The following RESF1 variants were observed in gnomAD, a reference collection of about 807,000 sequenced individuals.
The protein encoded by RESF1 is gonad expressed transcript.
In RESF1, 65 loss-of-function variants were observed where a neutral mutation model predicts 134.7. That is an observed-to-expected ratio of 0.48 (90% CI 0.40 to 0.59). The LOEUF is 0.59. Ranked by LOEUF, RESF1 falls within the 20% of genes least tolerant of loss-of-function variation. The pLI is 0.00. For synonymous variants in RESF1, 762 were observed against 702.2 expected (o/e 1.09, Z -1.35); for missense variants, 2,274 against 2,002.7 (o/e 1.14, Z -2.59).
Position 31,982,994 on chromosome 12 carries a change from G to A in RESF1, c.2039G>A (p.Trp680Ter), listed in dbSNP as rs765842006. 1.2e-6 allele frequency: 2 copies of A among 1,613,904 alleles called. No individual in the cohort carries two copies. Among genetic ancestry groups the A allele is most frequent in the Non-Finnish European group, 1.7e-6 (2 of 1,180,004 alleles). Residue 680 changes from tryptophan (W) to a stop codon, truncating the protein, a stop_gained, in exon 4 of 6, where the codon TGG (tryptophan) becomes TAG (stop). Coordinates refer to ENST00000312561, the MANE Select transcript of RESF1 (RefSeq NM_018169.4). LOFTEE classifies it high-confidence loss of function. ...GTGCTAGCAACCTGTCTTTCCCTGT[G>A]GAAAAAGCAACCTTCAGATACTGCA... is the stretch of plus-strand genomic sequence containing the variant. ...MEVLATCLSL[W>*]KKQPSDTAKE...
In RESF1 at chr12:31,985,115, TAAAG is replaced by T. The variant is rs1482071121; in HGVS notation, c.4164_4167del (p.Lys1389ArgfsTer18). 6.5e-7 allele frequency: 1 copy of T among 1,548,294 alleles called. No individual in the cohort carries two copies. The highest frequency in any genetic ancestry group is 2.3e-5 in the East Asian group (1 of 44,240). ...CAAGGGAACGTATTAGATATGGAAG[TAAAG>T]AAAAAGAAACATGATAAACAAGAAC... is the stretch of plus-strand genomic sequence containing the variant. On this transcript the variant is annotated frameshift_variant, in exon 4 of 6. Transcript: ENST00000312561. LOFTEE classifies it high-confidence loss of function.
chr12:31,975,402 A>G (rs1375532889), intron 3 of RESF1, among the ~76,000 whole-genome samples: 3 of 152,234 alleles, frequency 2.0e-5, no homozygotes, highest in Non-Finnish European at 4.4e-5. Flanking sequence ...GTTATTATTA[A>G]AGTCCATCAC....
chr12:31,962,808 T>C (rs1169416475), intron 2 of RESF1, among the ~76,000 whole-genome samples: 2 of 152,250 alleles, frequency 1.3e-5, no homozygotes, highest in South Asian at 4.1e-4. Context: ...TTAAAGTTCA[T>C]GGATCAGGGT....
In RESF1 at chr12:31,968,155, A is replaced by G. The variant is rs191915008; in HGVS notation, c.-246-2034A>G. Among the ~76,000 whole-genome samples the G allele has an allele frequency of 1.4e-3, 210 of 152,344 alleles. 1 individual carries two copies. The highest frequency in any genetic ancestry group is 4.9e-3 in the African/African-American group (204 of 41,578). The stretch of plus-strand genomic sequence containing the variant: ...TTTCAATGAAAAATAGACTTTACTC[A>G]GTTTAACCATATCAGTGGATACTCT... On this transcript the variant is annotated intron_variant, in intron 2 of 5. Transcript: ENST00000312561.
intron 3 of RESF1, among the ~76,000 whole-genome samples, chr12:31,979,124 G>GGA: frequency 6.6e-6 from 1 of 152,090 alleles, no homozygotes; most frequent in Admixed American, 6.5e-5. Context: ...GTTTCACTGT[G>GGA]TTAGCCAGGA....
Position 31,992,737 on chromosome 12 carries a change from C to A in RESF1, c.*202C>A. ...ATGTGTAAGAAATGGATGGTATTCA[C>A]CGGGGAAACAAGGTATTTGAATTTC... On this transcript the variant is annotated 3_prime_UTR_variant, in exon 6 of 6. Transcript: ENST00000312561. 1 of 568,288 alleles carries A rather than the reference C, an allele frequency of 1.8e-6. No homozygotes were observed. Among genetic ancestry groups the A allele is most frequent in the Non-Finnish European group, 3.1e-6 (1 of 319,978 alleles). 35.2% of individuals were successfully genotyped at this position (568,288 alleles called of 1,614,324 possible). A position where few individuals can be genotyped will look rare whatever the true frequency, so the allele number is the denominator to read the frequency against.
intron 3 of RESF1, among the ~76,000 whole-genome samples, chr12:31,975,769 G>A (rs1358476875): frequency 6.6e-6 from 1 of 152,118 alleles, no homozygotes; most frequent in African/African-American, 2.4e-5. Context: ...TTTTCACTCA[G>A]TCTTGTGTTT....
intron 3 of RESF1, among the ~76,000 whole-genome samples, chr12:31,973,926 C>T (rs927022321): frequency 2.0e-5 from 3 of 152,076 alleles, no homozygotes; most frequent in African/African-American, 7.2e-5. Context: ...GCTTCAGATC[C>T]CACAGGTTGA....
In RESF1 at chr12:31,983,299, G is replaced by A; in HGVS notation, c.2344G>A (p.Ala782Thr). The change falls in exon 4 of 6, where the codon GCA becomes ACA. Residue 782 changes from alanine to threonine, a missense_variant. Transcript: ENST00000312561. The part of the protein sequence containing the change: ...KTLSVKGITP[A>T]VLPETVYPVI... ...ATTGTCTGTCAAAGGAATAACACCT[G>A]CAGTGTTACCTGAAACAGTGTATCC... 1 of 1,613,762 alleles carries A rather than the reference G, an allele frequency of 6.2e-7. No individual in the cohort carries two copies. Among genetic ancestry groups the A allele is most frequent in the South Asian group, 1.1e-5 (1 of 91,060 alleles).
intron 3 of RESF1, among the ~76,000 whole-genome samples, chr12:31,973,545 C>T (rs1014367658): frequency 2.0e-5 from 3 of 152,002 alleles, no homozygotes; most frequent in Non-Finnish European, 4.4e-5. Context: ...GTTCAAGGGT[C>T]GATTGTATTT....
intron 2 of RESF1, among the ~76,000 whole-genome samples, chr12:31,964,880 C>G (rs1939363429): frequency 6.6e-6 from 1 of 152,144 alleles, no homozygotes; most frequent in South Asian, 2.1e-4. Flanking sequence ...AGGGTTTACT[C>G]CTGGGTTCTA....
In RESF1 at chr12:31,984,393, G is replaced by A. The variant is rs758873534; in HGVS notation, c.3438G>A (p.Gln1146=). ...AGCCCATCACAGAAGTAGTTAGCCA[G>A]TGTGACCTGCAGGCACCTGCAGCTG... ...KEEPITEVVS[Q]CDLQAPAAGQ... Residue 1146 remains glutamine, a synonymous_variant, in exon 4 of 6, where the codon CAG becomes CAA. Transcript: ENST00000312561. 6.2e-7 allele frequency: 1 copy of A among 1,614,176 alleles called. No individual in the cohort carries two copies. The highest frequency in any genetic ancestry group is 1.7e-5 in the Admixed American group (1 of 60,024).
rs1939951646 is a variant in RESF1, at chr12:31,985,546, A to G, written c.4591A>G (p.Asn1531Asp). The G allele has an allele frequency of 1.3e-6, 2 of 1,598,036 alleles. No individual in the cohort carries two copies. The highest frequency in any genetic ancestry group is 1.4e-5 in the African/African-American group (1 of 73,792). The change falls in exon 4 of 6, where the codon AAC becomes GAC. Residue 1531 changes from asparagine to aspartate, a missense_variant. By Grantham distance (23) the Asn-to-Asp change is conservative. Transcript: ENST00000312561. ...IHHSQESKTY[N>D]ILRNVKEKVG... ...CCATTCTCAGGAGTCTAAAACATAC[A>G]ACATTCTAAGGAATGTTAAAGAAAA...
chr12:31,962,110 C>T (rs1247194978), intron 2 of RESF1, among the ~76,000 whole-genome samples: 1 of 151,950 alleles, frequency 6.6e-6, no homozygotes, highest in Non-Finnish European at 1.5e-5. Context: ...GTGGCACATG[C>T]CTGTAATCCT....
rs750396911 is a variant in RESF1 at position 31,984,789 on chromosome 12, G to T, written c.3834G>T (p.Gln1278His). ...PRTEQELVAG[Q>H]FSSKCDKLNP... ...CAGAACAAGAATTAGTTGCTGGTCAGTTTTCATCTAAATGTGATAAACTAA... is the reference window on the plus strand; with the variant it reads ...CAGAACAAGAATTAGTTGCTGGTCATTTTTCATCTAAATGTGATAAACTAA... The change falls in exon 4 of 6, where the codon CAG (glutamine) becomes CAT (histidine). Residue 1278 changes from glutamine to histidine, a missense_variant. Coordinates refer to ENST00000312561, the MANE Select transcript of RESF1 (RefSeq NM_018169.4). The T allele has an allele frequency of 5.0e-6, 8 of 1,611,410 alleles. No homozygotes were observed. Among genetic ancestry groups the T allele is most frequent in the Admixed American group, 3.4e-5 (2 of 59,378 alleles).
intron 5 of RESF1, among the ~76,000 whole-genome samples, 168 bp downstream of exon 5, chr12:31,987,490 C>T (rs1321979878): frequency 3.3e-5 from 5 of 149,548 alleles, no homozygotes; most frequent in African/African-American, 7.4e-5. Context: ...TTTGTGTTGT[C>T]GTGCTGTGGA....
In RESF1 at chr12:31,981,184, G is replaced by C; in HGVS notation, c.229G>C (p.Asp77His). Residue 77 changes from aspartate to histidine, a missense_variant, in exon 4 of 6, where the codon GAT (aspartate) becomes CAT (histidine). By Grantham distance (81) the Asp-to-His change is moderately conservative. Transcript: ENST00000312561. ...QNYPQQISVS[D>H]MHNGTVVASH... ...TTATCCTCAACAAATTTCTGTTTCT[G>C]ATATGCATAATGGGACAGTTGTGGC... 2 of 1,614,042 alleles carry C rather than the reference G, an allele frequency of 1.2e-6. No individual in the cohort carries two copies. The highest frequency in any genetic ancestry group is 1.7e-6 in the Non-Finnish European group (2 of 1,179,964).
rs1028609736 is a variant in RESF1, at chr12:31,980,102, C to A, written c.-78-776C>A. Among the ~76,000 whole-genome samples the A allele has an allele frequency of 4.0e-5, 5 of 124,164 alleles. No homozygotes were observed. The Admixed American group carries it at 4.3e-4, about 11-fold the overall frequency. The allele number at this position is 124,164 out of a possible 152,430, so 81.5% of individuals were successfully genotyped here. A position where few individuals can be genotyped will look rare whatever the true frequency, so the allele number is the denominator to read the frequency against. On this transcript the variant is annotated intron_variant, in intron 3 of 5. Coordinates refer to ENST00000312561, the MANE Select transcript of RESF1 (RefSeq NM_018169.4). The stretch of plus-strand genomic sequence containing the variant: ...AGTGTTTGCTTATGCCAGAAATTTT[C>A]TTTTCCTTTTTTTTTTTTTTTTTTT...
At position 31,983,863 on chromosome 12, in the gene RESF1, T is replaced by C. The variant is rs368707937; in HGVS notation, c.2908T>C (p.Cys970Arg). 1.2e-5 allele frequency: 20 copies of C among 1,613,512 alleles called. No individual in the cohort carries two copies. Among genetic ancestry groups the C allele is most frequent in the Admixed American group, 6.7e-5 (4 of 60,000 alleles). Reference protein sequence around the residue: ...VQCTDVSHKICDQSKSEPPLE... With the variant: ...VQCTDVSHKIRDQSKSEPPLE... ...GTGCACAGATGTTTCACATAAAATATGTGATCAGTCAAAGTCAGAGCCACC... is the reference window on the plus strand; with the variant it reads ...GTGCACAGATGTTTCACATAAAATACGTGATCAGTCAAAGTCAGAGCCACC... The change falls in exon 4 of 6, where the codon TGT becomes CGT. Residue 970 changes from cysteine to arginine, a missense_variant. Cys to Arg is a radical substitution (Grantham distance 180). Coordinates refer to ENST00000312561, the MANE Select transcript of RESF1 (RefSeq NM_018169.4).
Sources: gnomAD v4.1 joint callset for allele counts (sites outside exome capture counted in the v4.1 genomes callset) on GRCh38, gnomAD v4.1.1 for gene constraint, MANE v1.5 for transcripts, NCBI Gene and HGNC (gene_info 2026-07-23, HGNC 2026-07-21) for gene names.